The following KIT variants were observed in gnomAD, a reference collection of about 807,000 sequenced individuals.
KIT encodes the protein mast/stem cell growth factor receptor Kit.
A neutral mutation model predicts 105.7 loss-of-function variants in KIT; 16 were observed. The observed-to-expected ratio is 0.15, with a 90% CI of 0.10 to 0.23. KIT has a LOEUF of 0.23. Among genes scored for constraint, KIT ranks in the 10% least tolerant of loss-of-function variants. The pLI, the probability that KIT is intolerant of heterozygous loss-of-function variation, is 1.00. For missense variants in KIT, 858 were observed against 1,213.8 expected (o/e 0.71, Z 4.36); for synonymous variants, 438 against 441.1 (o/e 0.99, Z 0.09).
intron 7 of KIT, 146 bp from the exon 8 acceptor site, chr4:54,723,438 C>T (rs1299182416): frequency 5.8e-6 from 4 of 692,258 alleles, no homozygotes; most frequent in Non-Finnish European, 1.1e-5. Flanking sequence ...ACCTTCCACT[C>T]CTTGGTTCAG....
At chr4:54,716,957 C>T (rs189712226) in intron 7 of KIT, among the ~76,000 whole-genome samples, 1 of 152,068 alleles carries the variant, frequency 6.6e-6, no homozygotes, top group Non-Finnish European at 1.5e-5. Flanking sequence ...ATGTAAAAAT[C>T]GTTGCTTGTC....
intron 7 of KIT, among the ~76,000 whole-genome samples, chr4:54,716,470 G>A (rs1577978909): frequency 6.6e-6 from 1 of 151,944 alleles, no homozygotes; most frequent in South Asian, 2.1e-4. Context: ...ACTTTTTATA[G>A]GTTACCATTA....
At chr4:54,710,832 C>T (rs903250846) in intron 7 of KIT, among the ~76,000 whole-genome samples, 1 of 152,156 alleles carries the variant, frequency 6.6e-6, no homozygotes, top group Non-Finnish European at 1.5e-5. Context: ...TGAGCCACCG[C>T]GCCCAGCTAG....
At chr4:54,671,111 G>A (rs1234327423) in intron 1 of KIT, among the ~76,000 whole-genome samples, 1 of 152,194 alleles carries the variant, frequency 6.6e-6, no homozygotes, top group South Asian at 2.1e-4. Context: ...AGGTGACAGG[G>A]TGACTTCATC....
chr4:54,699,538 A>G, intron 3 of KIT, 92 bp from the exon 4 acceptor site: 1 of 1,402,428 alleles, frequency 7.1e-7, no homozygotes, highest in East Asian at 2.3e-5. Context: ...AAGATGACAA[A>G]GTAAGCTGTA....
At chr4:54,673,571 T>G (rs912392815) in intron 1 of KIT, among the ~76,000 whole-genome samples, 4 of 152,222 alleles carry the variant, frequency 2.6e-5, no homozygotes, top group African/African-American at 9.6e-5. Context: ...ATAGCTTCTT[T>G]CATTTAGTTA....
chr4:54,708,448 G>A (rs986478216), intron 6 of KIT, among the ~76,000 whole-genome samples: 1 of 152,112 alleles, frequency 6.6e-6, no homozygotes. Flanking sequence ...TCTTATCCAG[G>A]AGCTGAGCGG....
chr4:54,717,293 C>A (rs1233840228), intron 7 of KIT, among the ~76,000 whole-genome samples: 1 of 152,148 alleles, frequency 6.6e-6, no homozygotes, highest in East Asian at 1.9e-4. Flanking sequence ...AAACATCTTT[C>A]CCTCCTCAAA....
chr4:54,725,221 C>T (rs1050369441), intron 8 of KIT, among the ~76,000 whole-genome samples: 1 of 152,158 alleles, frequency 6.6e-6, no homozygotes, highest in South Asian at 2.1e-4. Context: ...TCTCCTGCCT[C>T]AGCCTCCCGA....
chr4:54,718,822 A>G (rs1452688814), intron 7 of KIT, among the ~76,000 whole-genome samples: 2 of 152,192 alleles, frequency 1.3e-5, no homozygotes, highest in African/African-American at 2.4e-5. Flanking sequence ...CAATTTCTGG[A>G]TATCTTTAAG....
intron 1 of KIT, among the ~76,000 whole-genome samples, chr4:54,676,824 A>G (rs1381890127): frequency 6.6e-6 from 1 of 151,910 alleles, no homozygotes; most frequent in Non-Finnish European, 1.5e-5. Flanking sequence ...CTATCCACCC[A>G]TCTGTGGCCT....
chr4:54,692,110 C>G (rs951549928), intron 1 of KIT, among the ~76,000 whole-genome samples: 8 of 152,070 alleles, frequency 5.3e-5, no homozygotes, highest in African/African-American at 1.9e-4. Flanking sequence ...TGTTAGTATC[C>G]CCACTTTACA....
chr4:54,678,331 TC>T lies in KIT; in HGVS notation c.68-17179del, dbSNP rs1560381221. The stretch of plus-strand genomic sequence containing the variant: ...TTCCTTCCTTCCTTCCTTCCTTCCT[TC>T]CTTCCTTCCTTCCTTCCTTCCCTCC... On this transcript the variant is annotated intron_variant, in intron 1 of 20. Coordinates refer to ENST00000288135, the MANE Select transcript of KIT (RefSeq NM_000222.3). Among the ~76,000 whole-genome samples the T allele has an allele frequency of 3.6e-4, 36 of 99,762 alleles. 1 individual carries two copies. The highest frequency in any genetic ancestry group is 6.0e-4 in the Non-Finnish European group (30 of 49,946). 65.4% of individuals were successfully genotyped at this position (99,762 alleles called of 152,430 possible). A position where few individuals can be genotyped will look rare whatever the true frequency, so the allele number is the denominator to read the frequency against.
intron 7 of KIT, among the ~76,000 whole-genome samples, chr4:54,717,315 T>C (rs1335274543): frequency 6.6e-6 from 1 of 152,174 alleles, no homozygotes; most frequent in African/African-American, 2.4e-5. Flanking sequence ...GCTGGCATCA[T>C]TACTCTTCCT....
chr4:54,690,515 G>A lies in KIT; in HGVS notation c.68-4997G>A, dbSNP rs1033313197. ...GCCGTCATTCCTTATAGTGCTAGTTGGTCTCCAGAGTGTTGGGTTTTGCCA... is the reference window on the plus strand; with the variant it reads ...GCCGTCATTCCTTATAGTGCTAGTTAGTCTCCAGAGTGTTGGGTTTTGCCA... On this transcript the variant is annotated intron_variant, in intron 1 of 20. Coordinates refer to ENST00000288135, the MANE Select transcript of KIT (RefSeq NM_000222.3). Among the ~76,000 whole-genome samples, 4 of 152,136 alleles carry A rather than the reference G, an allele frequency of 2.6e-5. 1 individual carries two copies. Among genetic ancestry groups the A allele is most frequent in the Non-Finnish European group, 2.9e-5 (2 of 68,034 alleles).
chr4:54,704,683 T>G (rs3796772), intron 5 of KIT, among the ~76,000 whole-genome samples: 64,665 of 152,054 alleles, frequency 0.43, 14,174 homozygotes, highest in Non-Finnish European at 0.49. Context: ...TGTTTACAAT[T>G]TTTTTGTCTT....
intron 1 of KIT, among the ~76,000 whole-genome samples, chr4:54,682,493 G>A (rs1719010879): frequency 6.6e-6 from 1 of 151,626 alleles, no homozygotes; most frequent in Non-Finnish European, 1.5e-5. Context: ...AAGTGGCACA[G>A]TCTTGGCTCA....
chr4:54,716,017 C>T (rs1039665069), intron 7 of KIT, among the ~76,000 whole-genome samples: 3 of 152,160 alleles, frequency 2.0e-5, no homozygotes, highest in African/African-American at 2.4e-5. Flanking sequence ...AACCTATTAG[C>T]TTTTTCTTTC....
At chr4:54,733,373 A>C (rs1379062358) in intron 17 of KIT, 181 bp downstream of exon 17, 1 of 585,050 alleles carries the variant, frequency 1.7e-6, no homozygotes, top group Non-Finnish European at 3.1e-6. Context: ...ACTACAACTA[A>C]CATTCAATAA....
Sources: allele counts gnomAD v4.1 joint callset (sites outside exome capture counted in the v4.1 genomes callset), GRCh38; gene constraint gnomAD v4.1.1; transcripts MANE v1.5; gene names NCBI Gene and HGNC (gene_info 2026-07-23, HGNC 2026-07-21).